The following C18orf54 variants were observed in gnomAD, a reference collection of about 807,000 sequenced individuals.
C18orf54 encodes chromosome 18 open reading frame 54.
Under a neutral mutation model 49.3 loss-of-function variants are expected in C18orf54, and 49 were observed. The observed-to-expected ratio is 0.99, with a 90% confidence interval of 0.79 to 1.26. The LOEUF is 1.26. Ranked by LOEUF, C18orf54 falls within the 50% of genes most tolerant of loss-of-function variation. C18orf54 has a pLI of 0.00. For synonymous variants in C18orf54, 211 were observed against 216.6 expected (o/e 0.97, Z 0.23); for missense variants, 687 against 620.6 (o/e 1.11, Z -1.14).
At chr18:54,368,713 T>C (rs1176808787) in intron 6 of C18orf54, among the ~76,000 whole-genome samples, 1 of 152,144 alleles carries the variant, frequency 6.6e-6, no homozygotes, top group Non-Finnish European at 1.5e-5. Flanking sequence ...TTTGAGACTT[T>C]GCAGATATCC....
chr18:54,369,217 TATAA>T (rs1197534130), intron 6 of C18orf54, among the ~76,000 whole-genome samples: 12 of 152,174 alleles, frequency 7.9e-5, no homozygotes, highest in African/African-American at 2.7e-4. Context: ...TGTGTTTACA[TATAA>T]ATAAACACAT....
Position 54,362,787 on chromosome 18 carries a change from G to A in C18orf54, c.1089G>A (p.Leu363=). 1 of 1,604,358 alleles carries A rather than the reference G, an allele frequency of 6.2e-7. No individual in the cohort carries two copies. The highest frequency in any genetic ancestry group is 8.5e-7 in the Non-Finnish European group (1 of 1,177,938). ...TACAATTAGGTGACAAAATTGAATT[G>A]CTTATCTTGAAGGCCAAGAGAAATC... is the stretch of plus-strand genomic sequence containing the variant. ...TKPFSGDKIE[L]LILKAKRNLE... is the part of the protein sequence containing the mutation. Residue 363 remains leucine, a synonymous_variant, in exon 5 of 9, where the codon TTG becomes TTA. Coordinates refer to ENST00000620105, the MANE Select transcript of C18orf54 (RefSeq NM_001288980.2).
rs58660603 is a variant in C18orf54, at chr18:54,379,499, GT to G, written c.*1271del. The stretch of plus-strand genomic sequence containing the variant: ...CAAACACTACAGTGAGCTCTGTGGG[GT>G]TTTTTTTTTTTTTTTTTGCCCGTGA... On this transcript the variant is annotated 3_prime_UTR_variant, in exon 9 of 9. Transcript: ENST00000620105. 8.1e-3 allele frequency: 1,012 copies of G among 124,580 alleles called. 11 individuals carry two copies. In the East Asian group the frequency reaches 0.091, roughly 11 times the overall value. The allele number at this position is 124,580 out of a possible 1,614,324, so 7.7% of individuals were successfully genotyped here.
At position 54,381,195 on chromosome 18, in the gene C18orf54, C is replaced by T. The variant is rs1168605027; in HGVS notation, c.*2949C>T. 1 of 152,022 alleles carries T rather than the reference C, an allele frequency of 6.6e-6. No homozygotes were observed. The highest frequency in any genetic ancestry group is 2.4e-5 in the African/African-American group (1 of 41,398). The allele number at this position is 152,022 out of a possible 1,614,324, so 9.4% of individuals were successfully genotyped here. On this transcript the variant is annotated 3_prime_UTR_variant, in exon 9 of 9. Coordinates refer to ENST00000620105, the MANE Select transcript of C18orf54 (RefSeq NM_001288980.2). The stretch of plus-strand genomic sequence containing the variant: ...ATTTGAAGTTATTATTCTCCCATTT[C>T]CTTTTTCTTTTTTTGTTTATAATCA...
At chr18:54,362,464 T>C in intron 4 of C18orf54, 33 bp downstream of exon 4, 1 of 1,425,486 alleles carries the variant, frequency 7.0e-7, no homozygotes, top group Non-Finnish European at 9.1e-7. Context: ...TAGTTATTTA[T>C]TTTTCTTTTT....
chr18:54,378,552 C>G lies in C18orf54; in HGVS notation c.*306C>G. 1 of 189,726 alleles carries G rather than the reference C, an allele frequency of 5.3e-6. No individual in the cohort carries two copies. Among genetic ancestry groups the G allele is most frequent in the Non-Finnish European group, 1.1e-5 (1 of 92,808 alleles). The allele number at this position is 189,726 out of a possible 1,614,324, so 11.8% of individuals were successfully genotyped here. On this transcript the variant is annotated 3_prime_UTR_variant, in exon 9 of 9. Coordinates refer to ENST00000620105, the MANE Select transcript of C18orf54 (RefSeq NM_001288980.2). ...GGATGACTTCTGTTCTTGAAGCTTA[C>G]CTGGATTTAACCTTCTTCAGCATCC...
intron 6 of C18orf54, among the ~76,000 whole-genome samples, 179 bp from the exon 7 acceptor site, chr18:54,372,287 C>T (rs2089499350): frequency 6.6e-6 from 1 of 151,830 alleles, no homozygotes; most frequent in South Asian, 2.1e-4. Flanking sequence ...GTAACTTCAC[C>T]TGGGGCCTGG....
chr18:54,360,870 TTTG>T lies in C18orf54; in HGVS notation c.283+18_283+20del. On this transcript the variant is annotated intron_variant, in intron 3 of 8. Transcript: ENST00000620105. The stretch of plus-strand genomic sequence containing the variant: ...ACCAAACAATGGTATGCTTTTATTC[TTTG>T]TTTTCTTTGTGTTCAGATGTTTTGA... 6.3e-7 allele frequency: 1 copy of T among 1,594,734 alleles called. No homozygotes were observed. The highest frequency in any genetic ancestry group is 8.6e-7 in the Non-Finnish European group (1 of 1,167,834).
chr18:54,363,701 A>G (rs894115140), intron 5 of C18orf54, among the ~76,000 whole-genome samples: 4 of 152,194 alleles, frequency 2.6e-5, no homozygotes, highest in Non-Finnish European at 5.9e-5. Flanking sequence ...TTCTATTATC[A>G]GAAATGCATT....
chr18:54,372,575 A>T lies in C18orf54; in HGVS notation c.1436A>T (p.Asp479Val), dbSNP rs1435754171. ...CGTTTTAATCAAAATAAGACCACAG[A>T]TCCAAAAGAAGAGATTAAACAAGTA... ...QERFNQNKTTDPKEEIKQVSE... is the reference protein window; with the variant it reads ...QERFNQNKTTVPKEEIKQVSE... Residue 479 changes from aspartate (D) to valine (V), a missense_variant, in exon 7 of 9, where the codon GAT (aspartate) becomes GTT (valine). Coordinates refer to ENST00000620105, the MANE Select transcript of C18orf54 (RefSeq NM_001288980.2). The T allele has an allele frequency of 1.9e-6, 3 of 1,606,138 alleles. No homozygotes were observed. The Admixed American group carries it at 5.1e-5, about 27-fold the overall frequency.
Position 54,361,711 on chromosome 18 carries a change from A to G in C18orf54, c.352A>G (p.Ile118Val), listed in dbSNP as rs763881550. 1.4e-5 allele frequency: 23 copies of G among 1,613,824 alleles called. No individual in the cohort carries two copies. Among genetic ancestry groups the G allele is most frequent in the African/African-American group, 2.7e-5 (2 of 75,058 alleles). ...ISCRRHTVND[I>V]DSMSLTTDDL... ...CTGTAGAAGACACACCGTTAATGAC[A>G]TAGACTCCATGAGCCTAACAACTGA... Residue 118 changes from isoleucine (I) to valine (V), a missense_variant, in exon 4 of 9, where the codon ATA becomes GTA. Transcript: ENST00000620105.
intron 7 of C18orf54, among the ~76,000 whole-genome samples, chr18:54,373,053 A>C (rs1304563675): frequency 6.6e-6 from 1 of 151,792 alleles, no homozygotes; most frequent in Non-Finnish European, 1.5e-5. Flanking sequence ...AGTTATATCA[A>C]GTTTTATTTT....
chr18:54,376,879 T>C (rs1480603017), intron 8 of C18orf54, among the ~76,000 whole-genome samples: 1 of 152,196 alleles, frequency 6.6e-6, no homozygotes, highest in African/African-American at 2.4e-5. Flanking sequence ...CTGGGTAAAG[T>C]GGAAGATGCA....
At chr18:54,363,053 C>A in intron 5 of C18orf54, 132 bp downstream of exon 5, 1 of 863,390 alleles carries the variant, frequency 1.2e-6, no homozygotes, top group Non-Finnish European at 1.7e-6. Flanking sequence ...GTGTTACTTG[C>A]TTTAAATTGC....
intron 5 of C18orf54, among the ~76,000 whole-genome samples, chr18:54,364,670 G>A (rs971204583): frequency 1.3e-5 from 2 of 150,552 alleles, no homozygotes; most frequent in Non-Finnish European, 3.0e-5. Flanking sequence ...AATAAATTAC[G>A]AAAGTAGAAT....
intron 7 of C18orf54, among the ~76,000 whole-genome samples, chr18:54,373,717 T>G (rs892278956): frequency 6.6e-6 from 1 of 151,808 alleles, no homozygotes; most frequent in African/African-American, 2.4e-5. Context: ...TGGTACATGG[T>G]AAGTGCTCAA....
chr18:54,362,602 CTT>C (rs1159345551), intron 4 of C18orf54, among the ~76,000 whole-genome samples, 167 bp from the exon 5 acceptor site: 2 of 152,056 alleles, frequency 1.3e-5, no homozygotes, highest in Admixed American at 6.6e-5. Flanking sequence ...TAGAAAATGT[CTT>C]TTCTCCCATT....
intron 6 of C18orf54, among the ~76,000 whole-genome samples, chr18:54,371,147 A>G (rs1318243117): frequency 1.3e-5 from 2 of 151,710 alleles, no homozygotes; most frequent in Non-Finnish European, 2.9e-5. Flanking sequence ...CTAACTCCCT[A>G]TTTCCCCCTC....
intron 8 of C18orf54, among the ~76,000 whole-genome samples, chr18:54,377,128 T>G (rs1167023859): frequency 1.3e-5 from 2 of 151,994 alleles, no homozygotes; most frequent in Non-Finnish European, 2.9e-5. Flanking sequence ...CTCCACCTCC[T>G]GGCAAGCGAT....
Sources: gnomAD v4.1 joint callset for allele counts (sites outside exome capture counted in the v4.1 genomes callset) on GRCh38, gnomAD v4.1.1 for gene constraint, MANE v1.5 for transcripts, NCBI Gene and HGNC (gene_info 2026-07-23, HGNC 2026-07-21) for gene names.